The following CHAF1A variants were observed in gnomAD, a reference collection of about 807,000 sequenced individuals.
The protein encoded by CHAF1A is CAF-1 subunit A.
In CHAF1A, 5 loss-of-function variants were observed where a neutral mutation model predicts 93.2. That is an observed-to-expected ratio of 0.05 (90% CI 0.03 to 0.11). The LOEUF is 0.11. Among genes scored for constraint, CHAF1A ranks in the 10% least tolerant of loss-of-function variants. The pLI is 1.00. For synonymous variants in CHAF1A, 504 were observed against 510.3 expected, an observed-to-expected ratio of 0.99 and a Z score of 0.17; for missense variants, 1,102 against 1,259.9, an observed-to-expected ratio of 0.87 and a Z score of 1.90.
At chr19:4,427,917 T>A (rs1974114468) in intron 7 of CHAF1A, among the ~76,000 whole-genome samples, 1 of 152,216 alleles carries the variant, frequency 6.6e-6, no homozygotes, top group African/African-American at 2.4e-5. Flanking sequence ...AGAGACGGGG[T>A]TTCACCATCT....
chr19:4,424,186 G>A (rs892326778), intron 7 of CHAF1A, among the ~76,000 whole-genome samples: 4 of 152,190 alleles, frequency 2.6e-5, no homozygotes, highest in Admixed American at 6.5e-5. Context: ...CTTAAGGAGG[G>A]AGCACGTTTA....
chr19:4,425,507 G>A (rs1009522176), intron 7 of CHAF1A, among the ~76,000 whole-genome samples: 2 of 152,062 alleles, frequency 1.3e-5, no homozygotes, highest in Admixed American at 1.3e-4. Context: ...GCCCATCTCA[G>A]CCTCCCTAAT....
At position 4,433,635 on chromosome 19, in the gene CHAF1A, C is replaced by G. The variant is rs1974231656; in HGVS notation, c.2673+96C>G. 1.0e-6 allele frequency: 1 copy of G among 1,004,720 alleles called. No individual in the cohort carries two copies. Among genetic ancestry groups the G allele is most frequent in the Admixed American group, 2.9e-5 (1 of 34,612 alleles). The allele number at this position is 1,004,720 out of a possible 1,614,324, so 62.2% of individuals were successfully genotyped here. On this transcript the variant is annotated intron_variant, in intron 13 of 14. Transcript: ENST00000301280. The surrounding 1 kb of genome is among the most constrained non-coding windows in gnomAD (Gnocchi z 5.6). ...TTTTTTTTCGAGATGGAGTCCTGCT[C>G]TGTCACCCAGGCTGGAGTGCAGTGG... is the stretch of plus-strand genomic sequence containing the variant.
Position 4,409,408 on chromosome 19 carries a change from G to T in CHAF1A, c.609G>T (p.Ser203=), listed in dbSNP as rs554787620. The T allele has an allele frequency of 6.2e-7, 1 of 1,614,100 alleles. No homozygotes were observed. The highest frequency in any genetic ancestry group is 1.1e-5 in the South Asian group (1 of 91,084). Residue 203 remains serine (S), a synonymous_variant, in exon 3 of 15, where the codon TCG becomes TCT. Transcript: ENST00000301280. ...AGRRGDSQEC[S]PRSCPELTSG... ...GGAGAGGCGACTCCCAGGAATGTTC[G>T]CCACGGAGCTGCCCGGAGCTGACGA...
chr19:4,416,169 G>A (rs1023444907), intron 3 of CHAF1A, among the ~76,000 whole-genome samples: 5 of 151,488 alleles, frequency 3.3e-5, no homozygotes, highest in South Asian at 2.1e-4. Flanking sequence ...GCGAGACTCC[G>A]TCTCAAAAAA....
At chr19:4,445,591 G>A (rs746812859), downstream of CHAF1A, 2 of 1,613,696 alleles carry the variant, frequency 1.2e-6, no homozygotes, top group East Asian at 4.5e-5. Flanking sequence ...GCACAGCCAT[G>A]TCCCACGAGA....
chr19:4,406,120 G>C (rs959354046), intron 2 of CHAF1A, among the ~76,000 whole-genome samples, 158 bp downstream of exon 2: 1 of 152,156 alleles, frequency 6.6e-6, no homozygotes, highest in African/African-American at 2.4e-5. Flanking sequence ...GTAATGTCTC[G>C]TGGGGTTCCC....
intron 3 of CHAF1A, among the ~76,000 whole-genome samples, chr19:4,417,457 C>CTTTTTTTTT (rs397768061): frequency 9.7e-6 from 1 of 103,114 alleles, no homozygotes. Flanking sequence ...CCAGCTGTCG[C>CTTTTTTTTT]TTTTTTTTTT....
intron 4 of CHAF1A, among the ~76,000 whole-genome samples, chr19:4,419,937 T>C (rs979600705): frequency 6.6e-6 from 1 of 152,114 alleles, no homozygotes; most frequent in Non-Finnish European, 1.5e-5. Context: ...GTTATGTTTA[T>C]AGTCTCCTTG....
intron 4 of CHAF1A, among the ~76,000 whole-genome samples, chr19:4,419,029 A>ATT (rs11406470): frequency 0.047 from 4,500 of 96,472 alleles, 182 homozygotes; most frequent in African/African-American, 0.081. Flanking sequence ...TAGCCAGCTA[A>ATT]TTTTTTTTTT....
intron 13 of CHAF1A, among the ~76,000 whole-genome samples, chr19:4,441,129 CAA>C (rs1974380546): frequency 6.6e-6 from 1 of 151,858 alleles, no homozygotes; most frequent in South Asian, 2.1e-4. Context: ...ACCAGCCTGG[CAA>C]CATGGTGAAA....
intron 13 of CHAF1A, among the ~76,000 whole-genome samples, chr19:4,440,543 A>G (rs377148287): frequency 4.6e-5 from 7 of 151,898 alleles, no homozygotes; most frequent in African/African-American, 1.7e-4. Flanking sequence ...CAGGAAGTGG[A>G]ATTTGCAGTG....
downstream of CHAF1A, chr19:4,445,467 C>G: frequency 6.2e-7 from 1 of 1,613,192 alleles, no homozygotes; most frequent in Non-Finnish European, 8.5e-7. Context: ...TGAGACAGAC[C>G]CACAGGGCTG....
downstream of CHAF1A, chr19:4,445,781 C>G: frequency 7.9e-7 from 1 of 1,264,168 alleles, no homozygotes. Flanking sequence ...CCTCTCCCTC[C>G]GGGACTCCAG....
chr19:4,419,475 G>T (rs1973952987), intron 4 of CHAF1A, among the ~76,000 whole-genome samples: 1 of 151,472 alleles, frequency 6.6e-6, no homozygotes, highest in Non-Finnish European at 1.5e-5. Context: ...TGTTGCCCAG[G>T]CTGGAGTGTA....
At chr19:4,412,120 A>G (rs529042603) in intron 3 of CHAF1A, among the ~76,000 whole-genome samples, 79 of 152,200 alleles carry the variant, frequency 5.2e-4, no homozygotes, top group African/African-American at 6.7e-4. Flanking sequence ...CCACCACTCA[A>G]TCTCCCAAAA....
intron 3 of CHAF1A, among the ~76,000 whole-genome samples, chr19:4,413,684 A>G (rs1973848521): frequency 6.6e-6 from 1 of 152,204 alleles, no homozygotes; most frequent in Non-Finnish European, 1.5e-5. Flanking sequence ...TCTTTAAAAT[A>G]AAAGAAAATG....
intron 4 of CHAF1A, among the ~76,000 whole-genome samples, chr19:4,419,437 A>G (rs1973952098): frequency 6.7e-6 from 1 of 148,480 alleles, no homozygotes; most frequent in African/African-American, 2.5e-5. Flanking sequence ...TTATTTTATT[A>G]CTTTTTTTTT....
Position 4,422,356 on chromosome 19 carries a change from C to T in CHAF1A, c.1018-210C>T, listed in dbSNP as rs1324619171. Among the ~76,000 whole-genome samples, 1 of 151,792 alleles carries T rather than the reference C, an allele frequency of 6.6e-6. No homozygotes were observed. Among genetic ancestry groups the T allele is most frequent in the African/African-American group, 2.4e-5 (1 of 41,130 alleles). ...TAGAGACAGGGTTTCACCCTGTTGACCAGGCTGGTCTCAAACTCCTGACCT... is the reference window on the plus strand; with the variant it reads ...TAGAGACAGGGTTTCACCCTGTTGATCAGGCTGGTCTCAAACTCCTGACCT... On this transcript the variant is annotated intron_variant, in intron 4 of 14. Transcript: ENST00000301280. The surrounding 1 kb of genome is among the most constrained non-coding windows in gnomAD (Gnocchi z 4.6).
Sources: gnomAD v4.1 joint callset for allele counts (sites outside exome capture counted in the v4.1 genomes callset) on GRCh38, gnomAD v4.1.1 for gene constraint, Gnocchi (gnomAD v3.1) non-coding constraint, MANE v1.5 for transcripts, NCBI Gene and HGNC (gene_info 2026-07-23, HGNC 2026-07-21) for gene names.